The following LRP1B variants were observed in gnomAD, a reference collection of about 807,000 sequenced individuals.
LRP1B encodes the protein LDL receptor related protein 1B.
A neutral mutation model predicts 556.6 loss-of-function variants in LRP1B; 217 were observed. The observed-to-expected ratio is 0.39, with a 90% CI of 0.35 to 0.44. LRP1B has a LOEUF of 0.44. Ranked by LOEUF, LRP1B falls within the 20% of genes least tolerant of loss-of-function variation. The pLI, the probability that LRP1B is intolerant of heterozygous loss-of-function variation, is 1.00. For synonymous variants in LRP1B, 2,047 were observed against 1,865.8 expected (o/e 1.10, Z -2.50); for missense variants, 5,053 against 5,620.8 (o/e 0.90, Z 3.23).
At chr2:140,300,864 A>G (rs1014150271) in intron 83 of LRP1B, among the ~76,000 whole-genome samples, 2 of 152,090 alleles carry the variant, frequency 1.3e-5, no homozygotes, top group Non-Finnish European at 2.9e-5. Context: ...GAAAGCACAG[A>G]GTTATATTTT....
At chr2:142,021,057 C>T (rs1054116321) in intron 1 of LRP1B, among the ~76,000 whole-genome samples, 7 of 152,136 alleles carry the variant, frequency 4.6e-5, no homozygotes, top group Non-Finnish European at 7.4e-5. Context: ...TATTATAATG[C>T]TAGCCTCATA....
intron 31 of LRP1B, among the ~76,000 whole-genome samples, chr2:140,834,561 CT>C (rs1358209725): frequency 1.3e-5 from 2 of 152,242 alleles, no homozygotes; most frequent in African/African-American, 2.4e-5. Context: ...ACAATTTCGG[CT>C]TTGCTCTTTC....
intron 57 of LRP1B, among the ~76,000 whole-genome samples, chr2:140,489,980 A>C (rs1240994799): frequency 1.3e-5 from 2 of 152,132 alleles, no homozygotes; most frequent in African/African-American, 4.8e-5. Context: ...ATTTTTCTAC[A>C]GCTTTACCCT....
chr2:141,548,029 G>C (rs1442453134), intron 2 of LRP1B, among the ~76,000 whole-genome samples: 4 of 152,148 alleles, frequency 2.6e-5, no homozygotes, highest in Admixed American at 2.6e-4. Context: ...GATATTTGCT[G>C]TATGTCTTGA....
At chr2:140,863,209 TAC>T (rs771499452) in intron 27 of LRP1B, among the ~76,000 whole-genome samples, 2 of 152,212 alleles carry the variant, frequency 1.3e-5, no homozygotes, top group Non-Finnish European at 2.9e-5. Flanking sequence ...TATACATACA[TAC>T]ACACACATAT....
At chr2:141,453,705 G>A (rs1681513036) in intron 3 of LRP1B, among the ~76,000 whole-genome samples, 1 of 152,126 alleles carries the variant, frequency 6.6e-6, no homozygotes, top group Admixed American at 6.5e-5. Context: ...ATGTCCTGAG[G>A]TCGGGAGTTT....
intron 41 of LRP1B, among the ~76,000 whole-genome samples, chr2:140,650,221 A>T (rs1005261394): frequency 6.6e-6 from 1 of 151,800 alleles, no homozygotes. Context: ...ATATAAAAAA[A>T]AGGCAGAGGT....
chr2:141,891,560 C>G (rs1699291100), intron 1 of LRP1B, among the ~76,000 whole-genome samples: 1 of 152,050 alleles, frequency 6.6e-6, no homozygotes, highest in South Asian at 2.1e-4. Flanking sequence ...GCATAGAATA[C>G]TACCAATTAA....
rs5834828 is a variant in LRP1B, at chr2:141,442,425, CT to C, written c.343+37970del. ...CTGTATGTTTTAATCTTCACACATT[CT>C]TTTTTTTTTTTTTTTAATTATACTT... On this transcript the variant is annotated intron_variant, in intron 3 of 90. Coordinates refer to ENST00000389484, the MANE Select transcript of LRP1B (RefSeq NM_018557.3). 3.7e-3 allele frequency among the ~76,000 whole-genome samples: 505 copies of C among 137,486 alleles called. 1 individual carries two copies. Among genetic ancestry groups the C allele is most frequent in the East Asian group, 0.021 (101 of 4,758 alleles). The allele number at this position is 137,486 out of a possible 152,430, so 90.2% of individuals were successfully genotyped here.
intron 6 of LRP1B, among the ~76,000 whole-genome samples, chr2:141,207,270 C>T (rs1682327947): frequency 6.6e-6 from 1 of 152,172 alleles, no homozygotes; most frequent in African/African-American, 2.4e-5. Context: ...AAAAATTATT[C>T]TCTCAGACAC....
chr2:141,039,838 A>G (rs1212700215), intron 11 of LRP1B, among the ~76,000 whole-genome samples: 1 of 152,088 alleles, frequency 6.6e-6, no homozygotes, highest in Non-Finnish European at 1.5e-5. Flanking sequence ...TCAGACAAAA[A>G]TACATATATT....
At chr2:141,680,493 T>A (rs1230961154) in intron 2 of LRP1B, among the ~76,000 whole-genome samples, 1 of 152,110 alleles carries the variant, frequency 6.6e-6, no homozygotes, top group Non-Finnish European at 1.5e-5. Flanking sequence ...AGTTCTGAAA[T>A]GAAATGTAAA....
intron 32 of LRP1B, among the ~76,000 whole-genome samples, chr2:140,785,882 C>T (rs1440421213): frequency 6.6e-6 from 1 of 152,146 alleles, no homozygotes; most frequent in Non-Finnish European, 1.5e-5. Flanking sequence ...TTTTTTCCCT[C>T]TCCACCTCGA....
At chr2:141,171,965 C>A (rs73962839) in intron 7 of LRP1B, among the ~76,000 whole-genome samples, 6,517 of 152,054 alleles carry the variant, frequency 0.043, 466 homozygotes, top group African/African-American at 0.15. Flanking sequence ...CCCATCAGAA[C>A]TATAAATTCA....
At chr2:141,356,714 A>G (rs1397462912) in intron 3 of LRP1B, among the ~76,000 whole-genome samples, 1 of 152,168 alleles carries the variant, frequency 6.6e-6, no homozygotes, top group East Asian at 1.9e-4. Flanking sequence ...TGAGAAGAAG[A>G]CAAATATGTT....
At chr2:140,671,324 T>TC in intron 41 of LRP1B, among the ~76,000 whole-genome samples, 1 of 152,090 alleles carries the variant, frequency 6.6e-6, no homozygotes, top group East Asian at 1.9e-4. Context: ...ATTGAGACCA[T>TC]CCTGGCTAAC....
At chr2:140,999,494 T>A (rs910671131) in intron 15 of LRP1B, among the ~76,000 whole-genome samples, 1 of 152,154 alleles carries the variant, frequency 6.6e-6, no homozygotes, top group Non-Finnish European at 1.5e-5. Context: ...ACAGATTTTC[T>A]AACATCAGCT....
chr2:141,760,278 AGAC>A (rs750881800), intron 2 of LRP1B, among the ~76,000 whole-genome samples: 4 of 152,322 alleles, frequency 2.6e-5, no homozygotes, highest in Non-Finnish European at 5.9e-5. Context: ...TGGAATACTA[AGAC>A]GATATGAAAA....
intron 2 of LRP1B, among the ~76,000 whole-genome samples, chr2:141,780,283 G>A (rs981805435): frequency 1.3e-5 from 2 of 151,746 alleles, no homozygotes; most frequent in African/African-American, 4.9e-5. Flanking sequence ...AAAAGTAGTA[G>A]TTTTAAACAT....
Sources: allele counts gnomAD v4.1 joint callset (sites outside exome capture counted in the v4.1 genomes callset), GRCh38; gene constraint gnomAD v4.1.1; transcripts MANE v1.5; gene names NCBI Gene and HGNC (gene_info 2026-07-23, HGNC 2026-07-21).